The following RPL31 variants were observed in gnomAD, a reference collection of about 807,000 sequenced individuals.
RPL31 encodes the protein large ribosomal subunit protein eL31.
For synonymous variants in RPL31, 51 were observed against 55.0 expected (o/e 0.93, Z 0.32); for missense variants, 95 against 164.0 (o/e 0.58, Z 2.30).
chr2:101,017,977 C>T (rs531190516), intron 4 of RPL31: 19 of 1,528,406 alleles, frequency 1.2e-5, no homozygotes, highest in Middle Eastern at 1.7e-4. Context: ...ATAGAGGATT[C>T]GAACGGTTCC....
downstream of RPL31, chr2:101,011,552 A>T: frequency 6.2e-7 from 1 of 1,613,840 alleles, no homozygotes; most frequent in Admixed American, 1.7e-5. Flanking sequence ...TTAAAAAAAG[A>T]TGAGAGGTTT....
intron 4 of RPL31, among the ~76,000 whole-genome samples, chr2:101,015,067 C>T (rs1679515588): frequency 1.3e-5 from 2 of 152,166 alleles, no homozygotes; most frequent in South Asian, 2.1e-4. Context: ...TGGACTTACA[C>T]GAACCTAGAT....
intron 1 of RPL31, 156 bp from the exon 2 acceptor site, chr2:101,002,546 G>C (rs1249522436): frequency 3.1e-6 from 2 of 646,134 alleles, no homozygotes; most frequent in African/African-American, 3.7e-5. Context: ...GAGGGGCGCA[G>C]GGGCGCGGGT....
In RPL31 at chr2:101,006,383, C is replaced by T. The variant is rs747241987; in HGVS notation, c.*2C>T. The T allele has an allele frequency of 3.0e-5, 49 of 1,608,412 alleles. No individual in the cohort carries two copies. Among genetic ancestry groups the T allele is most frequent in the African/African-American group, 4.0e-5 (3 of 74,656 alleles). ...ACAGTCAATGTGGATGAGAACTAAT[C>T]GCTGATCGTCAGATCAAATAAAGTT... On this transcript the variant is annotated 3_prime_UTR_variant, in exon 5 of 5. Coordinates refer to ENST00000264258, the MANE Select transcript of RPL31 (RefSeq NM_000993.5).
chr2:101,018,210 T>TA, intron 4 of RPL31: 1 of 295,274 alleles, frequency 3.4e-6, no homozygotes, highest in South Asian at 9.2e-5. Flanking sequence ...TAACACTGAC[T>TA]AAACATCACT....
At chr2:101,004,528 G>C (rs2278721) in intron 3 of RPL31, 58,783 of 468,140 alleles carry the variant, frequency 0.13, 4,392 homozygotes, top group East Asian at 0.23. Flanking sequence ...ATTGCAGAGA[G>C]AGGAAGCTTG....
chr2:101,005,234 G>A (rs1278381968), intron 3 of RPL31: 1 of 152,328 alleles, frequency 6.6e-6, no homozygotes, highest in Non-Finnish European at 1.5e-5. Flanking sequence ...TGATGCTACG[G>A]AGAGGGTAAG....
chr2:101,018,696 C>G (rs1679834166), intron 4 of RPL31, among the ~76,000 whole-genome samples: 1 of 152,210 alleles, frequency 6.6e-6, no homozygotes, highest in Non-Finnish European at 1.5e-5. Flanking sequence ...TGTGAGGGGT[C>G]CTCATAGGTT....
chr2:101,002,408 C>G (rs1157077375), intron 1 of RPL31, 93 bp downstream of exon 1: 4 of 415,918 alleles, frequency 9.6e-6, no homozygotes, highest in Non-Finnish European at 1.8e-5. Context: ...TCTCCCGAGC[C>G]AGCCCGGGGC....
chr2:101,018,715 A>T (rs997649706), intron 4 of RPL31, among the ~76,000 whole-genome samples: 2 of 152,218 alleles, frequency 1.3e-5, no homozygotes, highest in African/African-American at 4.8e-5. Flanking sequence ...TTTGCTCAGT[A>T]TACAAACTTA....
intron 4 of RPL31, among the ~76,000 whole-genome samples, chr2:101,012,893 C>A (rs1454553152): frequency 1.3e-5 from 2 of 152,308 alleles, no homozygotes; most frequent in African/African-American, 4.8e-5. Flanking sequence ...TTGCCCAAAA[C>A]GAATTTTGTG....
At chr2:101,006,282 A>G in intron 4 of RPL31, 68 bp from the exon 5 acceptor site, 1 of 1,581,400 alleles carries the variant, frequency 6.3e-7, no homozygotes, top group South Asian at 1.2e-5. Context: ...CCCGTCTACA[A>G]AAGGTTTTTA....
At chr2:101,008,034 G>T (rs758321296), downstream of RPL31, 1 of 1,613,916 alleles carries the variant, frequency 6.2e-7, no homozygotes, top group Non-Finnish European at 8.5e-7. Flanking sequence ...GAAATGCCTG[G>T]GAGTCCTGGG....
At chr2:101,004,623 G>A (rs1021370401) in intron 3 of RPL31, 5 of 318,488 alleles carry the variant, frequency 1.6e-5, no homozygotes, top group African/African-American at 2.1e-5. Context: ...GGTGAGGGTC[G>A]CTCTAGACAT....
intron 4 of RPL31, among the ~76,000 whole-genome samples, chr2:101,016,757 A>G (rs1347647087): frequency 6.6e-6 from 1 of 152,212 alleles, no homozygotes; most frequent in East Asian, 1.9e-4. Flanking sequence ...AAAAATGATG[A>G]GTTCATGTCC....
chr2:101,002,838 C>T, intron 2 of RPL31, 30 bp downstream of exon 2: 1 of 1,510,636 alleles, frequency 6.6e-7, no homozygotes, highest in South Asian at 1.1e-5. Context: ...CCCTGGGTCT[C>T]GAACTCACGC....
At position 101,014,555 on chromosome 2, in the gene RPL31, C is replaced by A. The variant is rs147966404; in HGVS notation, c.347-4443C>A. Reference sequence around the variant, plus strand: ...ATGACTGTTTTTTCCCTGAGGGAGGCTCTTAATCCTGGCTGGATTCATCAT... The same window carrying A: ...ATGACTGTTTTTTCCCTGAGGGAGGATCTTAATCCTGGCTGGATTCATCAT... On this transcript the variant is annotated intron_variant, in intron 4 of 4. Coordinates refer to the RPL31 transcript ENST00000409028. Among the ~76,000 whole-genome samples the A allele has an allele frequency of 5.2e-3, 799 of 152,314 alleles. 6 individuals are homozygous for A. Among genetic ancestry groups the A allele is most frequent in the Non-Finnish European group, 9.7e-3 (660 of 68,032 alleles).
At chr2:101,008,369 G>C, downstream of RPL31, 1 of 992,406 alleles carries the variant, frequency 1.0e-6, no homozygotes, top group Non-Finnish European at 1.4e-6. Context: ...AAACGACACA[G>C]TATTTTTGAA....
At chr2:101,004,416 C>T (rs574110627) in intron 3 of RPL31, 133 bp downstream of exon 3, 8 of 937,272 alleles carry the variant, frequency 8.5e-6, no homozygotes, top group East Asian at 5.1e-5. Context: ...ATACTGTGAC[C>T]GTGACTTAGG....
Sources: gnomAD v4.1 joint callset for allele counts (sites outside exome capture counted in the v4.1 genomes callset) on GRCh38, gnomAD v4.1.1 for gene constraint, MANE v1.5 for transcripts, NCBI Gene and HGNC (gene_info 2026-07-23, HGNC 2026-07-21) for gene names.